The following CA10 variants were observed in gnomAD, a reference collection of about 807,000 sequenced individuals.
CA10 encodes carbonic anhydrase 10 (inactive).
In CA10, 14 loss-of-function variants were observed where a neutral mutation model predicts 44.2. That is an observed-to-expected ratio of 0.32 (90% CI 0.21 to 0.50). CA10 has a LOEUF of 0.50. Among genes scored for constraint, CA10 ranks in the 20% least tolerant of loss-of-function variants. The pLI is 0.99. For synonymous variants in CA10, 159 were observed against 141.6 expected (o/e 1.12, Z -0.87); for missense variants, 350 against 409.7 (o/e 0.85, Z 1.26).
chr17:51,896,326 A>G, intron 3 of CA10, among the ~76,000 whole-genome samples: 1 of 152,130 alleles, frequency 6.6e-6, no homozygotes, highest in East Asian at 1.9e-4. Flanking sequence ...GTCACTCATC[A>G]GTGAAAACAT....
At chr17:52,143,295 T>C (rs1567747224) in intron 1 of CA10, among the ~76,000 whole-genome samples, 1 of 152,138 alleles carries the variant, frequency 6.6e-6, no homozygotes, top group African/African-American at 2.4e-5. Context: ...CTGACATGAA[T>C]TTTTGGCCAC....
chr17:52,067,833 G>A (rs1008581588), intron 2 of CA10, among the ~76,000 whole-genome samples: 11 of 152,146 alleles, frequency 7.2e-5, no homozygotes, highest in African/African-American at 2.7e-4. Flanking sequence ...CATTTGTTTT[G>A]GCCAGTTTCT....
chr17:52,129,617 A>T (rs1023392356), intron 1 of CA10, among the ~76,000 whole-genome samples: 5 of 152,196 alleles, frequency 3.3e-5, no homozygotes, highest in Non-Finnish European at 5.9e-5. Flanking sequence ...TATAGTACCA[A>T]AAACAGCTGA....
chr17:51,696,602 A>C (rs1319374263), intron 4 of CA10, among the ~76,000 whole-genome samples: 3 of 151,890 alleles, frequency 2.0e-5, no homozygotes, highest in Non-Finnish European at 4.4e-5. Flanking sequence ...GCTCAATTTT[A>C]GTTATTTCTT....
chr17:51,730,860 T>C (rs967496174), intron 4 of CA10, among the ~76,000 whole-genome samples: 16 of 151,584 alleles, frequency 1.1e-4, no homozygotes, highest in African/African-American at 3.6e-4. Context: ...TTTTGGAAAG[T>C]GTCCTACATC....
chr17:52,157,405 C>A (rs1345411582), intron 1 of CA10, among the ~76,000 whole-genome samples: 1 of 151,936 alleles, frequency 6.6e-6, no homozygotes, highest in Non-Finnish European at 1.5e-5. Flanking sequence ...TGCCAAGGCT[C>A]GGATTTCGGC....
At chr17:51,851,100 T>A (rs1188497064) in intron 3 of CA10, among the ~76,000 whole-genome samples, 1 of 152,204 alleles carries the variant, frequency 6.6e-6, no homozygotes, top group African/African-American at 2.4e-5. Context: ...AAGACCAAGA[T>A]GCATGGGGGT....
intron 3 of CA10, among the ~76,000 whole-genome samples, chr17:51,754,597 TC>T (rs1325729417): frequency 1.3e-5 from 2 of 151,706 alleles, no homozygotes; most frequent in African/African-American, 4.8e-5. Context: ...GGGAGGTCAG[TC>T]TTTTTGATCT....
At chr17:51,858,375 G>A (rs76479704) in intron 3 of CA10, among the ~76,000 whole-genome samples, 5 of 152,212 alleles carry the variant, frequency 3.3e-5, no homozygotes, top group East Asian at 1.9e-4. Flanking sequence ...AAATGTGCCC[G>A]TGCAGAGACA....
chr17:51,669,746 G>A (rs1914347319), intron 4 of CA10, among the ~76,000 whole-genome samples: 1 of 152,148 alleles, frequency 6.6e-6, no homozygotes, highest in South Asian at 2.1e-4. Context: ...CCACCAGAAG[G>A]AAGAAACTCT....
intron 1 of CA10, among the ~76,000 whole-genome samples, chr17:52,111,269 A>G (rs1171683201): frequency 6.6e-6 from 1 of 152,180 alleles, no homozygotes; most frequent in Non-Finnish European, 1.5e-5. Context: ...TCTGGTGCTA[A>G]TTACACCTAC....
chr17:52,068,572 G>A (rs971575114), intron 2 of CA10, among the ~76,000 whole-genome samples: 3 of 152,164 alleles, frequency 2.0e-5, no homozygotes, highest in African/African-American at 7.2e-5. Flanking sequence ...CTTTAGCCTT[G>A]TAGTGAGATG....
intron 2 of CA10, among the ~76,000 whole-genome samples, chr17:51,933,142 G>A (rs956017998): frequency 2.6e-5 from 4 of 152,106 alleles, no homozygotes; most frequent in Non-Finnish European, 4.4e-5. Context: ...GTGGTAGGCC[G>A]AATGGCTCTC....
chr17:51,694,420 TTTG>T (rs1446901498), intron 4 of CA10, among the ~76,000 whole-genome samples: 2 of 152,114 alleles, frequency 1.3e-5, no homozygotes, highest in African/African-American at 2.4e-5. Flanking sequence ...TGTGGAACAT[TTTG>T]TTGTTGTTGT....
intron 5 of CA10, 127 bp downstream of exon 5, chr17:51,653,514 C>T (rs1195739438): frequency 3.1e-6 from 2 of 643,896 alleles, no homozygotes; most frequent in Admixed American, 2.6e-5. Context: ...TAAAAGGCAC[C>T]ATCCCATAGT....
chr17:51,656,113 T>C (rs1235509459), intron 4 of CA10, among the ~76,000 whole-genome samples: 2 of 152,180 alleles, frequency 1.3e-5, no homozygotes, highest in Admixed American at 1.3e-4. Context: ...AAACACACCC[T>C]GCCATCTGCT....
At chr17:51,648,668 C>T (rs1913436047) in intron 6 of CA10, among the ~76,000 whole-genome samples, 1 of 152,148 alleles carries the variant, frequency 6.6e-6, no homozygotes, top group Non-Finnish European at 1.5e-5. Context: ...ACTCTGGAAA[C>T]CCAAGGAAAC....
chr17:51,903,579 G>A (rs997533069), intron 3 of CA10, among the ~76,000 whole-genome samples: 3 of 152,168 alleles, frequency 2.0e-5, no homozygotes, highest in African/African-American at 7.2e-5. Flanking sequence ...ATCCTCTGCT[G>A]AGGGTAGCAG....
chr17:52,059,981 A>G (rs1455395395), intron 2 of CA10, among the ~76,000 whole-genome samples: 3 of 152,226 alleles, frequency 2.0e-5, no homozygotes, highest in African/African-American at 7.2e-5. Context: ...GTCCAACTCC[A>G]TCATTCATTT....
Sources: allele counts gnomAD v4.1 joint callset (sites outside exome capture counted in the v4.1 genomes callset), GRCh38; gene constraint gnomAD v4.1.1; transcripts MANE v1.5; gene names NCBI Gene and HGNC (gene_info 2026-07-23, HGNC 2026-07-21).